MAD1L1: variants seen among roughly 807,000 people sequenced by gnomAD.
MAD1L1 encodes mitotic arrest deficient 1 like 1, also known as mitotic spindle assembly checkpoint protein MAD1.
A neutral mutation model predicts 96.9 loss-of-function variants in MAD1L1; 95 were observed. That is an observed-to-expected ratio of 0.98 (90% confidence interval 0.83 to 1.16). MAD1L1 has a LOEUF of 1.16. MAD1L1 is among the 50% of genes most tolerant of loss of function. The pLI, the probability that MAD1L1 is intolerant of heterozygous loss-of-function variation, is 0.00. For synonymous variants in MAD1L1, 473 were observed against 396.6 expected, an observed-to-expected ratio of 1.19 and a Z score of -2.29; for missense variants, 1,007 against 954.4, an observed-to-expected ratio of 1.06 and a Z score of -0.73.
chr7:1,870,605 T>G (rs1304813731), intron 18 of MAD1L1, among the ~76,000 whole-genome samples: 3 of 136,288 alleles, frequency 2.2e-5, no homozygotes, highest in Non-Finnish European at 4.6e-5. Context: ...CCGTAACACC[T>G]GCCACGCTGA....
chr7:2,129,091 G>C (rs1427694141), intron 11 of MAD1L1, among the ~76,000 whole-genome samples: 1 of 152,174 alleles, frequency 6.6e-6, no homozygotes, highest in Non-Finnish European at 1.5e-5. Flanking sequence ...GCAGCTCTCT[G>C]ATCGGAAATT....
At chr7:2,027,793 T>C (rs886545365) in intron 12 of MAD1L1, among the ~76,000 whole-genome samples, 2 of 152,196 alleles carry the variant, frequency 1.3e-5, no homozygotes, top group African/African-American at 4.8e-5. Context: ...GCTTTTCTTC[T>C]GATGATGCAA....
chr7:2,064,368 G>A (rs1298607007), intron 12 of MAD1L1, among the ~76,000 whole-genome samples: 1 of 152,074 alleles, frequency 6.6e-6, no homozygotes, highest in Non-Finnish European at 1.5e-5. Context: ...AGGGGTCCCT[G>A]AGCTAAGCCT....
chr7:1,986,873 C>G (rs962751363), intron 14 of MAD1L1, among the ~76,000 whole-genome samples: 6 of 152,114 alleles, frequency 3.9e-5, no homozygotes, highest in Non-Finnish European at 7.4e-5. Context: ...ACTGTATTCT[C>G]AGAGTAGCCA....
chr7:1,881,708 G>T (rs58666879), intron 18 of MAD1L1, among the ~76,000 whole-genome samples: 2 of 152,160 alleles, frequency 1.3e-5, no homozygotes, highest in Admixed American at 6.5e-5. Flanking sequence ...GAAACAAAAC[G>T]ATCTGTCACA....
chr7:1,995,572 C>T (rs1409545692), intron 14 of MAD1L1, among the ~76,000 whole-genome samples: 1 of 152,144 alleles, frequency 6.6e-6, no homozygotes, highest in Non-Finnish European at 1.5e-5. Flanking sequence ...CAGGAGAGGC[C>T]GCCTCCAGGG....
chr7:2,094,922 G>A (rs921508250), intron 11 of MAD1L1, among the ~76,000 whole-genome samples: 17 of 152,170 alleles, frequency 1.1e-4, no homozygotes, highest in African/African-American at 2.9e-4. Context: ...TGGTGATGCC[G>A]TGTTCATGGA....
At chr7:2,063,609 C>T (rs1784756160) in intron 12 of MAD1L1, among the ~76,000 whole-genome samples, 1 of 152,248 alleles carries the variant, frequency 6.6e-6, no homozygotes, top group South Asian at 2.1e-4. Context: ...AGGTGTGTCT[C>T]CACCGTGCTA....
chr7:1,967,614 G>C (rs1441184164), intron 15 of MAD1L1, among the ~76,000 whole-genome samples: 1 of 152,232 alleles, frequency 6.6e-6, no homozygotes, highest in East Asian at 1.9e-4. Context: ...GGACTGTGCT[G>C]CCAAGAGAAG....
At chr7:2,231,735 A>G (rs1414900675) in intron 1 of MAD1L1, among the ~76,000 whole-genome samples, 1 of 152,224 alleles carries the variant, frequency 6.6e-6, no homozygotes, top group Non-Finnish European at 1.5e-5. Context: ...TTCTAGTGAC[A>G]TTAATAAGTA....
intron 18 of MAD1L1, among the ~76,000 whole-genome samples, chr7:1,863,252 C>T (rs137934658): frequency 5.4e-4 from 82 of 152,344 alleles, no homozygotes; most frequent in African/African-American, 1.9e-3. Context: ...ATGCCGGGTG[C>T]GGCTCATCAG....
At chr7:1,911,266 GTCTT>G in intron 17 of MAD1L1, among the ~76,000 whole-genome samples, 1 of 152,206 alleles carries the variant, frequency 6.6e-6, no homozygotes, top group South Asian at 2.1e-4. Context: ...TCTGCTCGGG[GTCTT>G]TCTTTACTAG....
intron 14 of MAD1L1, among the ~76,000 whole-genome samples, chr7:1,996,098 C>G (rs1781540560): frequency 6.6e-6 from 1 of 152,196 alleles, no homozygotes; most frequent in South Asian, 2.1e-4. Context: ...AGGCACCAGC[C>G]ACGCCTCCCG....
At chr7:2,225,858 G>A (rs79286291) in intron 3 of MAD1L1, among the ~76,000 whole-genome samples, 2 of 152,356 alleles carry the variant, frequency 1.3e-5, no homozygotes, top group African/African-American at 2.4e-5. Flanking sequence ...AAGTCCAGAC[G>A]TAGGTGGCTG....
intron 12 of MAD1L1, among the ~76,000 whole-genome samples, chr7:2,053,934 TC>T (rs370087523): frequency 8.7e-4 from 132 of 152,306 alleles, no homozygotes; most frequent in African/African-American, 3.1e-3. Flanking sequence ...AGCAGCACCA[TC>T]CAGAAATGCC....
At chr7:2,112,413 G>A (rs1298491418) in intron 11 of MAD1L1, among the ~76,000 whole-genome samples, 4 of 152,146 alleles carry the variant, frequency 2.6e-5, no homozygotes, top group East Asian at 1.9e-4. Flanking sequence ...GAAACACAAC[G>A]GCACCCACGG....
intron 18 of MAD1L1, among the ~76,000 whole-genome samples, chr7:1,843,982 A>G (rs1156340866): frequency 1.3e-5 from 2 of 152,174 alleles, no homozygotes; most frequent in African/African-American, 4.8e-5. Flanking sequence ...GGGCCTGAGC[A>G]CACACTCAGG....
intron 15 of MAD1L1, among the ~76,000 whole-genome samples, chr7:1,971,192 G>A (rs2128479919): frequency 6.6e-6 from 1 of 152,332 alleles, no homozygotes; most frequent in East Asian, 1.9e-4. Context: ...CCCACAGTGA[G>A]CCCCGCACAA....
At chr7:1,879,456 C>CAA (rs58872674) in intron 18 of MAD1L1, among the ~76,000 whole-genome samples, 35 of 129,984 alleles carry the variant, frequency 2.7e-4, no homozygotes, top group African/African-American at 6.0e-4. Flanking sequence ...ACTTCATCTC[C>CAA]AAAAAAAAAA....
Sources: allele counts gnomAD v4.1 joint callset (sites outside exome capture counted in the v4.1 genomes callset), GRCh38; gene constraint gnomAD v4.1.1; transcripts MANE v1.5; gene names NCBI Gene and HGNC (gene_info 2026-07-23, HGNC 2026-07-21).